Variants in UNC5D observed in about 807,000 individuals in gnomAD.
UNC5D encodes the protein netrin receptor UNC5D.
A neutral mutation model predicts 105.4 loss-of-function variants in UNC5D; 39 were observed. That is an observed-to-expected ratio of 0.37 (90% CI 0.29 to 0.48). UNC5D has a LOEUF of 0.48. Among genes scored for constraint, UNC5D ranks in the 20% least tolerant of loss-of-function variants. The pLI is 0.98. For missense variants in UNC5D, 991 were observed against 1,202.4 expected (o/e 0.82, Z 2.60); for synonymous variants, 452 against 450.4 (o/e 1.00, Z -0.04).
intron 1 of UNC5D, among the ~76,000 whole-genome samples, chr8:35,500,721 G>A (rs1055957173): frequency 6.6e-6 from 1 of 152,162 alleles, no homozygotes. Flanking sequence ...ATTTAGCACA[G>A]AGCCTTGTAT....
chr8:35,261,194 A>C (rs1804467285), intron 1 of UNC5D, among the ~76,000 whole-genome samples: 1 of 152,200 alleles, frequency 6.6e-6, no homozygotes, highest in South Asian at 2.1e-4. Context: ...CTTAAAATTC[A>C]TGCACAGTAG....
At chr8:35,739,847 C>A (rs2131603166) in intron 11 of UNC5D, among the ~76,000 whole-genome samples, 1 of 152,316 alleles carries the variant, frequency 6.6e-6, no homozygotes, top group Non-Finnish European at 1.5e-5. Flanking sequence ...CCAGCCCACA[C>A]AGAGACAGCT....
chr8:35,237,943 A>G (rs1320416716), intron 1 of UNC5D, among the ~76,000 whole-genome samples: 1 of 152,142 alleles, frequency 6.6e-6, no homozygotes, highest in Non-Finnish European at 1.5e-5. Flanking sequence ...CCCTTCCCAG[A>G]AAGGTGTCCA....
chr8:35,731,721 C>T (rs868812347), intron 11 of UNC5D, among the ~76,000 whole-genome samples: 3 of 152,124 alleles, frequency 2.0e-5, no homozygotes, highest in Non-Finnish European at 2.9e-5. Flanking sequence ...AAAATATCCC[C>T]GGAGGCACTC....
rs565089150 is a variant in UNC5D, at chr8:35,352,469, TAGAGA to T, written c.103+116584_103+116588del. 2.0e-5 allele frequency among the ~76,000 whole-genome samples: 3 copies of T among 152,290 alleles called. No individual in the cohort carries two copies. In the South Asian group the frequency reaches 6.2e-4, roughly 32 times the overall value. On this transcript the variant is annotated intron_variant, in intron 1 of 16. Coordinates refer to ENST00000404895, the MANE Select transcript of UNC5D (RefSeq NM_080872.4). ...AAATTATAAGTAAAATTCTGTTCTT[TAGAGA>T]AAAGAAGTTATTTCCCTTTTTATTG...
chr8:35,305,800 C>CTTTTCTTTCTTTCTCTCT (rs1241079906), intron 1 of UNC5D, among the ~76,000 whole-genome samples: 23 of 146,820 alleles, frequency 1.6e-4, no homozygotes, highest in South Asian at 4.3e-4. Context: ...TTCTTTCTCT[C>CTTTTCTTTCTTTCTCTCT]TTTTCTTTCT....
intron 1 of UNC5D, among the ~76,000 whole-genome samples, chr8:35,308,269 A>C (rs1165541928): frequency 6.6e-6 from 1 of 151,956 alleles, no homozygotes; most frequent in East Asian, 1.9e-4. Flanking sequence ...CCTTACATTG[A>C]GTAGGTGTGA....
At chr8:35,582,185 C>A (rs1315164285) in intron 3 of UNC5D, among the ~76,000 whole-genome samples, 1 of 152,174 alleles carries the variant, frequency 6.6e-6, no homozygotes, top group Non-Finnish European at 1.5e-5. Context: ...CCTTCCCTGA[C>A]TATACAGTGC....
At chr8:35,441,298 G>A (rs1039933883) in intron 1 of UNC5D, among the ~76,000 whole-genome samples, 5 of 151,898 alleles carry the variant, frequency 3.3e-5, no homozygotes, top group African/African-American at 1.2e-4. Flanking sequence ...GTAAGATTTT[G>A]AGAGAGAAAT....
At chr8:35,718,521 C>G (rs1318484781) in intron 8 of UNC5D, among the ~76,000 whole-genome samples, 1 of 152,180 alleles carries the variant, frequency 6.6e-6, no homozygotes, top group Non-Finnish European at 1.5e-5. Flanking sequence ...CAATAAATAG[C>G]TGTTCATGAT....
chr8:35,536,666 G>A (rs1814865815), intron 1 of UNC5D, among the ~76,000 whole-genome samples: 1 of 152,046 alleles, frequency 6.6e-6, no homozygotes, highest in South Asian at 2.1e-4. Context: ...TAAAAATATG[G>A]TCACGAATGA....
chr8:35,735,680 T>C (rs879867437), intron 11 of UNC5D, among the ~76,000 whole-genome samples: 6 of 152,094 alleles, frequency 3.9e-5, no homozygotes, highest in Non-Finnish European at 7.4e-5. Context: ...CTCTGGAAAA[T>C]AGAGAAGAAA....
chr8:35,571,423 T>G lies in UNC5D; in HGVS notation c.466+3182T>G, dbSNP rs1458189659. On this transcript the variant is annotated intron_variant, in intron 3 of 16. Coordinates refer to ENST00000404895, the MANE Select transcript of UNC5D (RefSeq NM_080872.4). The stretch of plus-strand genomic sequence containing the variant: ...GCAAGTGAGAGGTTTTTTAATTTAT[T>G]TAAAATTATTTATGCAAGTCAAGAC... 2.0e-5 allele frequency among the ~76,000 whole-genome samples: 3 copies of G among 152,316 alleles called. No individual in the cohort carries two copies. In the East Asian group the frequency reaches 5.8e-4, roughly 29 times the overall value.
chr8:35,426,682 A>C (rs771483962), intron 1 of UNC5D, among the ~76,000 whole-genome samples: 4 of 152,330 alleles, frequency 2.6e-5, no homozygotes, highest in Non-Finnish European at 5.9e-5. Context: ...ACTATTAAAA[A>C]GGTGATTTTT....
intron 1 of UNC5D, among the ~76,000 whole-genome samples, chr8:35,395,671 C>G (rs964566095): frequency 3.3e-5 from 5 of 152,198 alleles, no homozygotes; most frequent in African/African-American, 1.2e-4. Context: ...AGTGCTGGCT[C>G]ATTTCCATCC....
intron 14 of UNC5D, among the ~76,000 whole-genome samples, chr8:35,761,507 C>T (rs531454723): frequency 6.6e-6 from 1 of 152,274 alleles, no homozygotes; most frequent in South Asian, 2.1e-4. Flanking sequence ...TTCAAGAAAA[C>T]CCAGCAAGCT....
chr8:35,400,993 G>A (rs1326607281), intron 1 of UNC5D, among the ~76,000 whole-genome samples: 1 of 152,032 alleles, frequency 6.6e-6, no homozygotes, highest in East Asian at 1.9e-4. Context: ...CTTGGCACCA[G>A]TAATACAACA....
intron 1 of UNC5D, among the ~76,000 whole-genome samples, chr8:35,266,047 G>A (rs1053195666): frequency 6.6e-6 from 1 of 151,968 alleles, no homozygotes; most frequent in East Asian, 1.9e-4. Flanking sequence ...ATTTCTGACT[G>A]TATGTGTTTA....
At chr8:35,555,280 G>A (rs1014059962) in intron 2 of UNC5D, among the ~76,000 whole-genome samples, 4 of 152,224 alleles carry the variant, frequency 2.6e-5, no homozygotes, top group African/African-American at 9.6e-5. Flanking sequence ...AAGGTTTTCA[G>A]GAAAATGTTA....
Sources: allele counts gnomAD v4.1 joint callset (sites outside exome capture counted in the v4.1 genomes callset), GRCh38; gene constraint gnomAD v4.1.1; transcripts MANE v1.5; gene names NCBI Gene and HGNC (gene_info 2026-07-23, HGNC 2026-07-21).